RHBDL2: variants seen among roughly 807,000 people sequenced by gnomAD.
RHBDL2 encodes rhomboid like 2, also known as rhomboid-related protein 2.
Under a neutral mutation model 31.7 loss-of-function variants are expected in RHBDL2, and 26 were observed. That is an observed-to-expected ratio of 0.82 (90% confidence interval 0.60 to 1.14). The LOEUF is 1.14. Ranked by LOEUF, RHBDL2 falls within the 50% of genes most tolerant of loss-of-function variation. RHBDL2 has a pLI of 0.00. For synonymous variants in RHBDL2, 123 were observed against 127.2 expected (o/e 0.97, Z 0.22); for missense variants, 336 against 364.4 (o/e 0.92, Z 0.63).
rs543565197 is a variant in RHBDL2 at position 38,886,276 on chromosome 1, C to A, written c.*228G>T. The A allele has an allele frequency of 3.3e-6, 1 of 302,512 alleles. No individual in the cohort carries two copies. The highest frequency in any genetic ancestry group is 6.0e-6 in the Non-Finnish European group (1 of 165,702). 18.7% of individuals were successfully genotyped at this position (302,512 alleles called of 1,614,324 possible). On this transcript the variant is annotated 3_prime_UTR_variant, in exon 8 of 8. Coordinates refer to ENST00000372990, the MANE Select transcript of RHBDL2 (RefSeq NM_017821.5). The stretch of plus-strand genomic sequence containing the variant: ...GGCCCCAATCTCTAGTTTTTACTAC[C>A]CTTCTTTTCTCTCTTCTTCTTCCCT...
At chr1:38,932,619 C>T (rs922900653) in intron 1 of RHBDL2, among the ~76,000 whole-genome samples, 1 of 152,092 alleles carries the variant, frequency 6.6e-6, no homozygotes, top group African/African-American at 2.4e-5. Context: ...GCCACCATGC[C>T]CAACTAATTT....
chr1:38,932,252 G>T (rs977522008), intron 1 of RHBDL2, among the ~76,000 whole-genome samples: 1 of 151,604 alleles, frequency 6.6e-6, no homozygotes, highest in African/African-American at 2.4e-5. Flanking sequence ...AAAAGAAAAA[G>T]TCATGTGAAA....
intron 1 of RHBDL2, among the ~76,000 whole-genome samples, chr1:38,927,913 T>C (rs1643395602): frequency 1.3e-5 from 2 of 152,040 alleles, no homozygotes; most frequent in African/African-American, 4.8e-5. Flanking sequence ...TCACAGCTAA[T>C]AAGGGGAGGG....
At chr1:38,933,201 G>A (rs1237600774) in intron 1 of RHBDL2, among the ~76,000 whole-genome samples, 1 of 151,996 alleles carries the variant, frequency 6.6e-6, no homozygotes, top group South Asian at 2.1e-4. Context: ...TCTGTTCCTG[G>A]AATACACCAA....
chr1:38,940,103 C>A (rs1210387192), intron 1 of RHBDL2, among the ~76,000 whole-genome samples: 1 of 152,114 alleles, frequency 6.6e-6, no homozygotes, highest in African/African-American at 2.4e-5. Context: ...TAGGCAAATC[C>A]CTTAACCTGT....
At chr1:38,912,180 A>C (rs1013382492) in intron 3 of RHBDL2, among the ~76,000 whole-genome samples, 1 of 152,142 alleles carries the variant, frequency 6.6e-6, no homozygotes, top group African/African-American at 2.4e-5. Context: ...CATGTTGGTC[A>C]GGCTGGCCTC....
At chr1:38,908,992 C>T (rs1643105360) in intron 4 of RHBDL2, among the ~76,000 whole-genome samples, 1 of 152,212 alleles carries the variant, frequency 6.6e-6, no homozygotes, top group Non-Finnish European at 1.5e-5. Context: ...AGTCAGGCCA[C>T]TCGGCAGCCC....
intron 1 of RHBDL2, among the ~76,000 whole-genome samples, chr1:38,923,989 C>T (rs2124344807): frequency 6.6e-6 from 1 of 152,128 alleles, no homozygotes; most frequent in Non-Finnish European, 1.5e-5. Flanking sequence ...TCCTTATGCA[C>T]ACCAAGAACC....
chr1:38,900,336 C>G (rs938060136), intron 4 of RHBDL2, among the ~76,000 whole-genome samples: 1 of 152,066 alleles, frequency 6.6e-6, no homozygotes, highest in African/African-American at 2.4e-5. Flanking sequence ...ACAAGAACCC[C>G]CTGGGCCGAG....
intron 6 of RHBDL2, among the ~76,000 whole-genome samples, chr1:38,890,138 C>T (rs1642836553): frequency 6.6e-6 from 1 of 151,610 alleles, no homozygotes; most frequent in Admixed American, 6.6e-5. Flanking sequence ...CCTGGGTTCA[C>T]GCCATTCTCC....
At chr1:38,918,935 T>A (rs761965978) in intron 2 of RHBDL2, 32 bp downstream of exon 2, 1 of 1,596,626 alleles carries the variant, frequency 6.3e-7, no homozygotes, top group South Asian at 1.1e-5. Context: ...CCCATGCCAC[T>A]TACCCCGGTG....
intron 1 of RHBDL2, among the ~76,000 whole-genome samples, chr1:38,922,946 C>T (rs1444865368): frequency 6.6e-6 from 1 of 152,078 alleles, no homozygotes; most frequent in African/African-American, 2.4e-5. Context: ...CAAAAATTAG[C>T]TGGGCATGGT....
Position 38,913,976 on chromosome 1 carries a change from G to A in RHBDL2, c.395+1586C>T, listed in dbSNP as rs368866887. 2.2e-3 allele frequency among the ~76,000 whole-genome samples: 337 copies of A among 152,108 alleles called. 3 individuals are homozygous for A. The highest frequency in any genetic ancestry group is 7.4e-3 in the African/African-American group (308 of 41,492). On this transcript the variant is annotated intron_variant, in intron 3 of 7. Coordinates refer to ENST00000372990, the MANE Select transcript of RHBDL2 (RefSeq NM_017821.5). ...TACTAAAAATACAAAAATTAGCTGG[G>A]CGTGGTGGCACGTGCCTGTAATCCC...
chr1:38,913,046 G>A (rs1180560797), intron 3 of RHBDL2, among the ~76,000 whole-genome samples: 3 of 148,704 alleles, frequency 2.0e-5, no homozygotes, highest in Admixed American at 6.7e-5. Context: ...GCGGTGGCGC[G>A]ATCTCGGCTC....
Position 38,886,597 on chromosome 1 carries a change from C to G in RHBDL2, c.819G>C (p.Leu273=). ...TVFSCFDKAL[L]KDPRFWIAIA... ...TTGCTATCCAAAACCTTGGATCTTT[C>G]AGCAGTGCTTTATCAAAGCAGCTAA... The change falls in exon 8 of 8, where the codon CTG becomes CTC. Residue 273 remains leucine, a synonymous_variant. Transcript: ENST00000372990. The G allele has an allele frequency of 6.2e-7, 1 of 1,609,288 alleles. No homozygotes were observed. Among genetic ancestry groups the G allele is most frequent in the Middle Eastern group, 1.7e-4 (1 of 6,044 alleles).
At chr1:38,914,503 A>G (rs969655933) in intron 3 of RHBDL2, among the ~76,000 whole-genome samples, 1 of 151,636 alleles carries the variant, frequency 6.6e-6, no homozygotes, top group Non-Finnish European at 1.5e-5. Flanking sequence ...CAGCCTCCCA[A>G]AGTGCTGGGA....
At chr1:38,903,629 A>G (rs1570920386) in intron 4 of RHBDL2, among the ~76,000 whole-genome samples, 6 of 152,314 alleles carry the variant, frequency 3.9e-5, no homozygotes, top group Admixed American at 3.9e-4. Flanking sequence ...AAGACTCAAT[A>G]TTGTTAAAAT....
At position 38,886,638 on chromosome 1, in the gene RHBDL2, T is replaced by A. The variant is rs1184111434; in HGVS notation, c.778A>T (p.Ile260Phe). ...HIAGGFAGMS[I>F]GYTVFSCFDK... ...AAGCAGCTAAACACCGTGTAGCCAA[T>A]GGACATTCCAGCAAATCCACCTGCA... Residue 260 changes from isoleucine to phenylalanine, a missense_variant, in exon 8 of 8, where the codon ATT (isoleucine) becomes TTT (phenylalanine). Coordinates refer to ENST00000372990, the MANE Select transcript of RHBDL2 (RefSeq NM_017821.5). The A allele has an allele frequency of 6.3e-7, 1 of 1,583,062 alleles. No individual in the cohort carries two copies. The highest frequency in any genetic ancestry group is 2.3e-5 in the East Asian group (1 of 44,090).
At chr1:38,904,950 G>C (rs1352988971) in intron 4 of RHBDL2, among the ~76,000 whole-genome samples, 1 of 149,954 alleles carries the variant, frequency 6.7e-6, no homozygotes, top group Non-Finnish European at 1.5e-5. Flanking sequence ...AGAATGGCGT[G>C]AACCCAGGAG....
Sources: allele counts gnomAD v4.1 joint callset (sites outside exome capture counted in the v4.1 genomes callset), GRCh38; gene constraint gnomAD v4.1.1; transcripts MANE v1.5; gene names NCBI Gene and HGNC (gene_info 2026-07-23, HGNC 2026-07-21).